Variants in C3orf49 observed in about 807,000 individuals in gnomAD.
C3orf49 encodes putative uncharacterized protein C3orf49.
C3orf49 carries 27 observed loss-of-function variants against 13.3 expected under a neutral mutation model. That is an observed-to-expected ratio of 2.02 (90% CI 1.49 to 2.79). The LOEUF is 2.79. Among genes scored for constraint, C3orf49 ranks in the 30% most tolerant of loss-of-function variants. C3orf49 has a pLI of 0.00. For synonymous variants in C3orf49, 87 were observed against 47.6 expected (o/e 1.83, Z -3.40); for missense variants, 242 against 134.2 (o/e 1.80, Z -3.97).
At chr3:63,834,120 C>T (rs1380112970) in intron 5 of C3orf49, 2 of 1,613,554 alleles carry the variant, frequency 1.2e-6, no homozygotes, top group South Asian at 2.2e-5. Context: ...GAGTGGTGGG[C>T]AATTAGCCTG....
rs531435222 is a variant in C3orf49 at position 63,835,521 on chromosome 3, A to G, written c.849+3677A>G. 4.7e-6 allele frequency: 3 copies of G among 640,230 alleles called. No homozygotes were observed. The African/African-American group carries it at 5.5e-5, about 12-fold the overall frequency. The allele number at this position is 640,230 out of a possible 1,614,324, so 39.7% of individuals were successfully genotyped here. A position where few individuals can be genotyped will look rare whatever the true frequency, so the allele number is the denominator to read the frequency against. On this transcript the variant is annotated intron_variant, in intron 5 of 6. Transcript: ENST00000295896. ...GGCTTATAAGGAGTTATAACACTCC[A>G]TTATGGTGAAACTTTTAAAGCTGAG...
the C3orf49 span, among the ~76,000 whole-genome samples, chr3:63,801,041 T>C: frequency 0.017 from 2,620 of 152,218 alleles, 58 homozygotes; most frequent in African/African-American, 0.057. Flanking sequence ...CAGAAGAGCA[T>C]AATTTCACCT....
the C3orf49 span, among the ~76,000 whole-genome samples, chr3:63,810,628 C>T: frequency 5.9e-5 from 9 of 152,118 alleles, no homozygotes; most frequent in Admixed American, 1.3e-4. Flanking sequence ...ATGTCAATGA[C>T]GGCTTATATC....
At chr3:63,792,733 A>G in the C3orf49 span, among the ~76,000 whole-genome samples, 85 of 152,338 alleles carry the variant, frequency 5.6e-4, no homozygotes, top group African/African-American at 1.9e-3. Flanking sequence ...AGGACCACAA[A>G]CCGATTAGGT....
the C3orf49 span, chr3:63,782,957 G>A: frequency 2.6e-5 from 4 of 152,206 alleles, no homozygotes; most frequent in Non-Finnish European, 5.9e-5. Flanking sequence ...ACAGTTAGAT[G>A]ACTAATGGGA....
chr3:63,792,710 TTGATA>T, the C3orf49 span, among the ~76,000 whole-genome samples: 1 of 152,174 alleles, frequency 6.6e-6, no homozygotes, highest in Admixed American at 6.5e-5. Flanking sequence ...TATAGGAGCA[TTGATA>T]TGTCTACAGG....
At chr3:63,836,486 G>T in intron 5 of C3orf49, 2 of 805,192 alleles carry the variant, frequency 2.5e-6, no homozygotes, top group Non-Finnish European at 4.0e-6. Context: ...ATCACTGAAA[G>T]ATGAGTATTG....
At chr3:63,811,112 T>A in the C3orf49 span, among the ~76,000 whole-genome samples, 1 of 152,212 alleles carries the variant, frequency 6.6e-6, no homozygotes, top group Non-Finnish European at 1.5e-5. Context: ...CCTCCCAAAG[T>A]GCTGAGATTG....
At chr3:63,829,771 G>A (rs1054571573) in intron 3 of C3orf49, among the ~76,000 whole-genome samples, 5 of 151,914 alleles carry the variant, frequency 3.3e-5, no homozygotes, top group African/African-American at 1.2e-4. Flanking sequence ...TACCAGCCTG[G>A]GCAACATGGC....
intron 1 of C3orf49, among the ~76,000 whole-genome samples, chr3:63,820,949 G>A (rs13082416): frequency 7.7e-4 from 117 of 152,180 alleles, no homozygotes; most frequent in African/African-American, 2.6e-3. Flanking sequence ...TGGGCTCCCT[G>A]CTTGCCTTTT....
chr3:63,791,997 A>G, the C3orf49 span, among the ~76,000 whole-genome samples: 4 of 152,232 alleles, frequency 2.6e-5, no homozygotes, highest in Non-Finnish European at 4.4e-5. Flanking sequence ...ACTCAGAGAC[A>G]TACATACCTC....
At chr3:63,810,363 T>G in the C3orf49 span, among the ~76,000 whole-genome samples, 1 of 152,198 alleles carries the variant, frequency 6.6e-6, no homozygotes, top group Non-Finnish European at 1.5e-5. Flanking sequence ...TTGGGAACTT[T>G]CATCTGTTCC....
chr3:63,791,896 G>A, the C3orf49 span, among the ~76,000 whole-genome samples: 1 of 152,100 alleles, frequency 6.6e-6, no homozygotes, highest in Admixed American at 6.5e-5. Flanking sequence ...ACAAAGTGTT[G>A]ACTTAAACAT....
chr3:63,815,032 G>C (rs941477714), upstream of C3orf49, among the ~76,000 whole-genome samples: 2 of 152,190 alleles, frequency 1.3e-5, no homozygotes, highest in Admixed American at 1.3e-4. Context: ...GCAAGAGAGA[G>C]AGCAGGGAGT....
At chr3:63,845,811 T>C (rs997029590) in intron 6 of C3orf49, among the ~76,000 whole-genome samples, 5 of 152,216 alleles carry the variant, frequency 3.3e-5, no homozygotes, top group Non-Finnish European at 7.4e-5. Flanking sequence ...CTGGCCAGTC[T>C]GCCTTTTTTG....
chr3:63,786,413 C>A, the C3orf49 span, among the ~76,000 whole-genome samples: 1 of 152,078 alleles, frequency 6.6e-6, no homozygotes, highest in Non-Finnish European at 1.5e-5. Context: ...CACAACACTT[C>A]CCCCAATGCT....
chr3:63,781,324 G>C, the C3orf49 span, among the ~76,000 whole-genome samples: 2 of 151,772 alleles, frequency 1.3e-5, no homozygotes, highest in East Asian at 1.9e-4. Flanking sequence ...ATGTCTGAGG[G>C]CTCTGTTCTG....
At chr3:63,791,587 C>A in the C3orf49 span, among the ~76,000 whole-genome samples, 3 of 152,128 alleles carry the variant, frequency 2.0e-5, no homozygotes, top group African/African-American at 7.2e-5. Flanking sequence ...CCTGGGCCCA[C>A]CCCAAGAGAT....
chr3:63,843,470 C>A (rs1701813107), intron 5 of C3orf49, among the ~76,000 whole-genome samples: 1 of 152,176 alleles, frequency 6.6e-6, no homozygotes, highest in Non-Finnish European at 1.5e-5. Flanking sequence ...CCAGCAATCC[C>A]ACTACTGGTT....
Sources: gnomAD v4.1 joint callset for allele counts (sites outside exome capture counted in the v4.1 genomes callset) on GRCh38, gnomAD v4.1.1 for gene constraint, MANE v1.5 for transcripts, NCBI Gene and HGNC (gene_info 2026-07-23, HGNC 2026-07-21) for gene names.